Variants in GRHL2 observed in about 807,000 individuals in gnomAD.
GRHL2 encodes the protein grainyhead-like protein 2 homolog.
GRHL2 carries 21 observed loss-of-function variants against 83.8 expected under a neutral mutation model. The ratio of observed to expected loss-of-function variants is 0.25; its 90% CI spans 0.18 to 0.36. The LOEUF (loss-of-function observed/expected upper bound fraction) is 0.36, where lower values mean the gene tolerates loss of function less well. GRHL2 is among the 10% of genes least tolerant of loss of function. The pLI is 1.00. For synonymous variants in GRHL2, 280 were observed against 278.9 expected (o/e 1.00, Z -0.04); for missense variants, 623 against 781.8 (o/e 0.80, Z 2.42).
intron 2 of GRHL2, among the ~76,000 whole-genome samples, chr8:101,546,908 C>T (rs1374944865): frequency 6.6e-6 from 1 of 152,180 alleles, no homozygotes; most frequent in African/African-American, 2.4e-5. Flanking sequence ...AGGGAGTTTA[C>T]ATAAAACTCA....
At chr8:101,509,107 C>CTCCTTCCTTCCTTCCT (rs4002326) in intron 1 of GRHL2, among the ~76,000 whole-genome samples, 5 of 94,852 alleles carry the variant, frequency 5.3e-5, no homozygotes, top group African/African-American at 2.2e-4. Flanking sequence ...CTTTCTTTCT[C>CTCCTTCCTTCCTTCCT]TCCTTCCTTC....
At chr8:101,635,618 T>A (rs1261125780) in intron 11 of GRHL2, among the ~76,000 whole-genome samples, 1 of 152,226 alleles carries the variant, frequency 6.6e-6, no homozygotes, top group Non-Finnish European at 1.5e-5. Flanking sequence ...TTAGGTGGGT[T>A]ACTCTATATT....
chr8:101,556,998 G>A (rs1811500586), intron 3 of GRHL2, among the ~76,000 whole-genome samples: 1 of 151,698 alleles, frequency 6.6e-6, no homozygotes, highest in Non-Finnish European at 1.5e-5. Context: ...CCATTCTCCA[G>A]TTCAGCAATG....
At chr8:101,586,065 CTTTTTTTT>C (rs67985027) in intron 7 of GRHL2, among the ~76,000 whole-genome samples, 27 of 94,360 alleles carry the variant, frequency 2.9e-4, no homozygotes, top group East Asian at 9.6e-4. Context: ...CCTCATGTTT[CTTTTTTTT>C]TTTTTTTTTT....
chr8:101,596,963 C>T (rs936052692), intron 7 of GRHL2, among the ~76,000 whole-genome samples: 1 of 152,150 alleles, frequency 6.6e-6, no homozygotes, highest in South Asian at 2.1e-4. Flanking sequence ...AAGCAGTTTC[C>T]ATAAGGAGAC....
At chr8:101,578,846 A>T (rs1043957837) in intron 7 of GRHL2, among the ~76,000 whole-genome samples, 2 of 152,210 alleles carry the variant, frequency 1.3e-5, no homozygotes, top group Non-Finnish European at 1.5e-5. Context: ...AATGACTAGG[A>T]TAGGGTGAGA....
chr8:101,498,167 G>A (rs532807419), intron 1 of GRHL2, among the ~76,000 whole-genome samples: 21 of 152,086 alleles, frequency 1.4e-4, no homozygotes, highest in South Asian at 4.2e-4. Context: ...TGCCCAGGCC[G>A]GAGTGCACTG....
intron 4 of GRHL2, among the ~76,000 whole-genome samples, chr8:101,563,918 G>A (rs1328642114): frequency 6.6e-6 from 1 of 152,126 alleles, no homozygotes; most frequent in South Asian, 2.1e-4. Flanking sequence ...CTCACACAGT[G>A]TAGAAATATT....
chr8:101,583,752 T>C (rs1812106394), intron 7 of GRHL2, among the ~76,000 whole-genome samples: 2 of 152,350 alleles, frequency 1.3e-5, no homozygotes, highest in South Asian at 4.1e-4. Flanking sequence ...AACCACGTTC[T>C]CGGGAAGGCA....
Position 101,666,981 on chromosome 8 carries a change from C to G in GRHL2, c.*278C>G, listed in dbSNP as rs1480752901. 2.4e-5 allele frequency: 13 copies of G among 536,620 alleles called. No homozygotes were observed. Among genetic ancestry groups the G allele is most frequent in the Non-Finnish European group, 4.0e-5 (12 of 296,338 alleles). 33.2% of individuals were successfully genotyped at this position (536,620 alleles called of 1,614,324 possible). On this transcript the variant is annotated 3_prime_UTR_variant, in exon 16 of 16. Transcript: ENST00000646743. ...GCCCACCTTTTCCTGGAGCCCAGGT[C>G]CAGGCCCGCCAGGACTCTGCAGGTC...
At chr8:101,672,088 G>A (rs866441850), downstream of GRHL2, among the ~76,000 whole-genome samples, 13 of 151,704 alleles carry the variant, frequency 8.6e-5, no homozygotes, top group South Asian at 2.1e-4. Flanking sequence ...AGTAGATAAA[G>A]CCACAAAGAT....
chr8:101,615,191 G>T (rs971105195), intron 8 of GRHL2, among the ~76,000 whole-genome samples: 2 of 152,082 alleles, frequency 1.3e-5, no homozygotes, highest in Non-Finnish European at 2.9e-5. Context: ...ACTCCTCCAG[G>T]GAAAATTTAG....
chr8:101,556,558 T>G (rs772483297), intron 3 of GRHL2, among the ~76,000 whole-genome samples: 2 of 152,212 alleles, frequency 1.3e-5, no homozygotes, highest in African/African-American at 2.4e-5. Flanking sequence ...TAGATGAAAG[T>G]ATTTTATTCT....
chr8:101,676,791 G>C, the GRHL2 span, among the ~76,000 whole-genome samples: 1 of 152,128 alleles, frequency 6.6e-6, no homozygotes, highest in African/African-American at 2.4e-5. Flanking sequence ...ATTCACAATA[G>C]CAAAGACTTG....
chr8:101,547,570 T>C (rs1052990775), intron 2 of GRHL2, among the ~76,000 whole-genome samples: 1 of 152,230 alleles, frequency 6.6e-6, no homozygotes, highest in Non-Finnish European at 1.5e-5. Context: ...TTGATAACTG[T>C]CACCACAGAT....
intron 12 of GRHL2, 70 bp from the exon 13 acceptor site, chr8:101,644,061 G>C (rs1192159275): frequency 9.2e-6 from 12 of 1,300,380 alleles, no homozygotes; most frequent in Non-Finnish European, 1.3e-5. Context: ...GACAGAAACG[G>C]ACACACATGT....
intron 1 of GRHL2, among the ~76,000 whole-genome samples, chr8:101,524,797 T>A (rs181280993): frequency 0.024 from 3,571 of 150,060 alleles, 138 homozygotes; most frequent in African/African-American, 0.081. Context: ...ATACTGGCTT[T>A]AAAAAAAAAA....
At chr8:101,673,730 C>G (rs1260385552), downstream of GRHL2, among the ~76,000 whole-genome samples, 2 of 152,120 alleles carry the variant, frequency 1.3e-5, no homozygotes, top group Middle Eastern at 3.4e-3. Context: ...ACAGAACTCT[C>G]CACCCCAAAT....
At chr8:101,579,516 G>C (rs369560716) in intron 7 of GRHL2, among the ~76,000 whole-genome samples, 1 of 151,992 alleles carries the variant, frequency 6.6e-6, no homozygotes, top group Non-Finnish European at 1.5e-5. Flanking sequence ...TGGGTAGCTG[G>C]GCTACTTGCT....
Sources: gnomAD v4.1 joint callset for allele counts (sites outside exome capture counted in the v4.1 genomes callset) on GRCh38, gnomAD v4.1.1 for gene constraint, MANE v1.5 for transcripts, NCBI Gene and HGNC (gene_info 2026-07-23, HGNC 2026-07-21) for gene names.